The following DOCK6 variants were observed in gnomAD, a reference collection of about 807,000 sequenced individuals.
DOCK6 encodes dedicator of cytokinesis 6, also known as dedicator of cytokinesis protein 6.
A neutral mutation model predicts 230.3 loss-of-function variants in DOCK6; 167 were observed. That is an observed-to-expected ratio of 0.73 (90% CI 0.64 to 0.82). The LOEUF (loss-of-function observed/expected upper bound fraction) is 0.82, where lower values mean the gene tolerates loss of function less well. DOCK6 is among the 40% of genes least tolerant of loss of function. The probability of loss-of-function intolerance (pLI) is 0.00; values close to 1 mark genes in which losing one functional copy is unlikely to be tolerated. For synonymous variants in DOCK6, 1,148 were observed against 1,185.0 expected (o/e 0.97, Z 0.64); for missense variants, 2,598 against 2,825.8 (o/e 0.92, Z 1.83).
In DOCK6 at chr19:11,259,556, CT is replaced by C. The variant is rs756965986; in HGVS notation, c.44+2840del. ...CCTCCAATGAATCATTATTTCTTTT[CT>C]TTTTTTTTTTTTTTTTTTGAGATGG... On this transcript the variant is annotated intron_variant, in intron 1 of 47. Coordinates refer to ENST00000294618, the MANE Select transcript of DOCK6 (RefSeq NM_020812.4). 3.8e-4 allele frequency among the ~76,000 whole-genome samples: 39 copies of C among 103,670 alleles called. 1 individual carries two copies. Among genetic ancestry groups the C allele is most frequent in the African/African-American group, 4.2e-4 (12 of 28,748 alleles). 68.0% of individuals were successfully genotyped at this position (103,670 alleles called of 152,430 possible).
At chr19:11,258,765 CTTT>C (rs1045575752) in intron 1 of DOCK6, among the ~76,000 whole-genome samples, 1 of 110,192 alleles carries the variant, frequency 9.1e-6, no homozygotes, top group Non-Finnish European at 1.9e-5. Context: ...CTTTCTCTCT[CTTT>C]TTTTTTTCTT....
At chr19:11,215,619 G>C (rs998046455) in intron 31 of DOCK6, 148 bp from the exon 32 acceptor site, 2 of 1,292,302 alleles carry the variant, frequency 1.5e-6, no homozygotes, top group African/African-American at 2.9e-5. Context: ...GGACGCACAG[G>C]GGCAAACACG....
intron 22 of DOCK6, among the ~76,000 whole-genome samples, chr19:11,230,466 G>A (rs181474132): frequency 2.0e-3 from 304 of 152,262 alleles, no homozygotes; most frequent in African/African-American, 7.0e-3. Flanking sequence ...GAGAACACAC[G>A]AAGGCTGGGA....
rs573830086 is a variant in DOCK6 at position 11,220,354 on chromosome 19, G to T, written c.3550+1497C>A. ...CCCTAAAAAGTCTCAACAGAGGGAG[G>T]AGTTGTCAACAAATATATAGCAGAT... On this transcript the variant is annotated intron_variant, in intron 28 of 47. Transcript: ENST00000294618. 9.9e-5 allele frequency among the ~76,000 whole-genome samples: 15 copies of T among 152,228 alleles called. No homozygotes were observed. The South Asian group carries it at 2.9e-3, about 29-fold the overall frequency.
chr19:11,242,011 A>G, intron 14 of DOCK6, 34 bp downstream of exon 14: 1 of 1,549,662 alleles, frequency 6.5e-7, no homozygotes. Context: ...AATACCTCCC[A>G]TTCAAGTGCC....
chr19:11,259,556 C>CTTTTTTTTTTTTTTTTTTTTTTTTTT (rs756965986), intron 1 of DOCK6, among the ~76,000 whole-genome samples: 3 of 103,644 alleles, frequency 2.9e-5, no homozygotes, highest in Non-Finnish European at 5.6e-5. Flanking sequence ...TATTTCTTTT[C>CTTTTTTTTTTTTTTTTTTTTTTTTTT]TTTTTTTTTT....
chr19:11,225,910 G>C (rs2079656865), intron 24 of DOCK6, among the ~76,000 whole-genome samples: 1 of 150,870 alleles, frequency 6.6e-6, no homozygotes, highest in African/African-American at 2.4e-5. Context: ...AAGTATGTTG[G>C]CTTGTGCCTC....
intron 37 of DOCK6, among the ~76,000 whole-genome samples, chr19:11,210,372 A>G (rs2079357448): frequency 7.0e-6 from 1 of 141,892 alleles, no homozygotes; most frequent in Non-Finnish European, 1.5e-5. Flanking sequence ...TCACTTGTTC[A>G]TCTTCTCATC....
At chr19:11,215,244 A>G (rs2079463126) in intron 32 of DOCK6, 143 bp downstream of exon 32, 2 of 673,100 alleles carry the variant, frequency 3.0e-6, no homozygotes, top group Admixed American at 5.0e-5. Flanking sequence ...CGCCCGGCCC[A>G]TGCCCGGCTA....
chr19:11,246,273 T>C (rs576283093), intron 7 of DOCK6, among the ~76,000 whole-genome samples: 2 of 151,816 alleles, frequency 1.3e-5, no homozygotes, highest in Admixed American at 6.6e-5. Flanking sequence ...TCTATGTATG[T>C]ATTTATTTAT....
chr19:11,211,839 G>A lies in DOCK6; in HGVS notation c.4688C>T (p.Thr1563Met), dbSNP rs200763307. Reference protein sequence around the residue: ...DLMFNLHMILTDTVKMKEHQE... With the variant: ...DLMFNLHMILMDTVKMKEHQE... Reference sequence around the variant, plus strand: ...GTGTTCCTTCATCTTCACCGTGTCCGTCAGGATCATGTGCAGGTTGAACAT... The same window carrying A: ...GTGTTCCTTCATCTTCACCGTGTCCATCAGGATCATGTGCAGGTTGAACAT... Residue 1563 changes from threonine (T) to methionine (M), a missense_variant, in exon 37 of 48, where the codon ACG becomes ATG. Physicochemically the swap from Thr to Met is moderately conservative, Grantham distance 81 (BLOSUM62 -1). Coordinates refer to ENST00000294618, the MANE Select transcript of DOCK6 (RefSeq NM_020812.4). 138 of 1,552,540 alleles carry A rather than the reference G, an allele frequency of 8.9e-5. No individual in the cohort carries two copies. Among genetic ancestry groups the A allele is most frequent in the Non-Finnish European group, 9.8e-5 (112 of 1,147,482 alleles).
At chr19:11,250,490 T>C in intron 6 of DOCK6, among the ~76,000 whole-genome samples, 1 of 150,136 alleles carries the variant, frequency 6.7e-6, no homozygotes, top group Non-Finnish European at 1.5e-5. Context: ...AACTTTTGTA[T>C]TTTTAGTAGA....
chr19:11,252,913 G>A lies in DOCK6; in HGVS notation c.178C>T (p.Leu60Phe). 1 of 1,613,154 alleles carries A rather than the reference G, an allele frequency of 6.2e-7. No homozygotes were observed. The highest frequency in any genetic ancestry group is 8.5e-7 in the Non-Finnish European group (1 of 1,179,606). Residue 60 changes from leucine (L) to phenylalanine (F), a missense_variant, in exon 3 of 48, where the codon CTT becomes TTT. By Grantham distance (22) the Leu-to-Phe change is conservative (BLOSUM62 0). Transcript: ENST00000294618. ...TCAGCATCTGGTGGCCGGCTCAGAA[G>A]TACATCCTCAAAGTCCAGGGGCTCG... ...VVEPLDFEDVLLSRPPDAEPG... is the reference protein window; with the variant it reads ...VVEPLDFEDVFLSRPPDAEPG...
At chr19:11,248,032 G>A (rs947162843) in intron 7 of DOCK6, 34 bp downstream of exon 7, 5 of 1,579,526 alleles carry the variant, frequency 3.2e-6, no homozygotes, top group Admixed American at 1.8e-5. Context: ...GTTGCTTCAC[G>A]CATCTAAGAA....
At chr19:11,248,673 G>A (rs1568261491) in intron 6 of DOCK6, among the ~76,000 whole-genome samples, 1 of 152,156 alleles carries the variant, frequency 6.6e-6, no homozygotes. Context: ...ACTGAGGACC[G>A]TGTGAGGGAC....
chr19:11,229,414 G>A (rs1375840798), intron 22 of DOCK6: 2 of 1,038,904 alleles, frequency 1.9e-6, no homozygotes, highest in African/African-American at 1.7e-5. Flanking sequence ...TGATGGCGAG[G>A]AGAAGGTTAG....
rs184187067 is a variant in DOCK6, at chr19:11,253,779, C to T, written c.45-53G>A. ...GGACGGGAAAACTCAGGCAGCGGAG[C>T]GGACAGATTCTTTCTATGAGGAAAA... On this transcript the variant is annotated intron_variant, in intron 1 of 47. Coordinates refer to ENST00000294618, the MANE Select transcript of DOCK6 (RefSeq NM_020812.4). 1.9e-4 allele frequency: 237 copies of T among 1,224,680 alleles called. No homozygotes were observed. The African/African-American group carries it at 2.9e-3, about 15-fold the overall frequency. The allele number at this position is 1,224,680 out of a possible 1,614,324, so 75.9% of individuals were successfully genotyped here. A position where few individuals can be genotyped will look rare whatever the true frequency, so the allele number is the denominator to read the frequency against.
rs532701556 is a variant in DOCK6, at chr19:11,256,252, G to T, written c.45-2526C>A. Reference sequence around the variant, plus strand: ...AACCGTGGGCACACAGGGGCTGGGGGATAATTTACAAAAGATGCTGGGACA... The same window carrying T: ...AACCGTGGGCACACAGGGGCTGGGGTATAATTTACAAAAGATGCTGGGACA... On this transcript the variant is annotated intron_variant, in intron 1 of 47. Transcript: ENST00000294618. Among the ~76,000 whole-genome samples the T allele has an allele frequency of 3.6e-4, 55 of 152,318 alleles. No homozygotes were observed. In the South Asian group the frequency reaches 0.011, roughly 29 times the overall value.
Position 11,243,483 on chromosome 19 carries a change from C to T in DOCK6, c.1258+74G>A, listed in dbSNP as rs2079981517. The T allele has an allele frequency of 1.3e-6, 2 of 1,543,552 alleles. No individual in the cohort carries two copies. Among genetic ancestry groups the T allele is most frequent in the South Asian group, 1.2e-5 (1 of 83,762 alleles). ...GCCAGCAGAGGGCGCACCCCCTCGC[C>T]CCGTAGCCCCGCCCCAGGCCTGTCA... On this transcript the variant is annotated intron_variant, in intron 11 of 47. Coordinates refer to ENST00000294618, the MANE Select transcript of DOCK6 (RefSeq NM_020812.4). The surrounding 1 kb of genome is among the most constrained non-coding windows in gnomAD (Gnocchi z 6.3).
Sources: allele counts gnomAD v4.1 joint callset (sites outside exome capture counted in the v4.1 genomes callset), GRCh38; gene constraint gnomAD v4.1.1; non-coding constraint Gnocchi (gnomAD v3.1); transcripts MANE v1.5; gene names NCBI Gene and HGNC (gene_info 2026-07-23, HGNC 2026-07-21).